The following GUCY1B1 variants were observed in gnomAD, a reference collection of about 807,000 sequenced individuals.
GUCY1B1 encodes the protein guanylate cyclase 1 soluble subunit beta 1.
GUCY1B1 carries 43 observed loss-of-function variants against 71.0 expected under a neutral mutation model. The ratio of observed to expected loss-of-function variants is 0.61; its 90% CI spans 0.47 to 0.78. The LOEUF is 0.78. Ranked by LOEUF, GUCY1B1 falls within the 30% of genes least tolerant of loss-of-function variation. GUCY1B1 has a pLI of 0.00. For synonymous variants in GUCY1B1, 266 were observed against 259.7 expected (o/e 1.02, Z -0.23); for missense variants, 535 against 754.1 (o/e 0.71, Z 3.40).
chr4:155,805,541 G>A (rs1030660410), intron 13 of GUCY1B1, among the ~76,000 whole-genome samples: 1 of 152,066 alleles, frequency 6.6e-6, no homozygotes, highest in South Asian at 2.1e-4. Flanking sequence ...AAGGTAAGTG[G>A]GCTGTGAGGG....
intron 8 of GUCY1B1, among the ~76,000 whole-genome samples, chr4:155,797,478 A>G (rs1739632983): frequency 6.6e-6 from 1 of 152,056 alleles, no homozygotes; most frequent in South Asian, 2.1e-4. Context: ...AGTAGTTCAC[A>G]CCTGTAATCC....
intron 2 of GUCY1B1, among the ~76,000 whole-genome samples, chr4:155,765,863 G>A (rs185533618): frequency 6.6e-6 from 1 of 152,190 alleles, no homozygotes; most frequent in East Asian, 1.9e-4. Context: ...CAACCCTCCT[G>A]TAAATGTAAA....
chr4:155,760,022 T>G (rs1157976295), intron 2 of GUCY1B1, among the ~76,000 whole-genome samples, 162 bp downstream of exon 2: 1 of 151,850 alleles, frequency 6.6e-6, no homozygotes, highest in Admixed American at 6.5e-5. Context: ...GCTCCCACGC[T>G]CCGGGACTGG....
At chr4:155,790,970 A>G (rs1739112598) in intron 5 of GUCY1B1, among the ~76,000 whole-genome samples, 2 of 152,128 alleles carry the variant, frequency 1.3e-5, no homozygotes, top group African/African-American at 4.8e-5. Context: ...TGTTGCACCA[A>G]CCTAATAGAA....
Position 155,777,650 on chromosome 4 carries a change from AT to A in GUCY1B1, c.297+11del. The A allele has an allele frequency of 2.3e-6, 3 of 1,302,046 alleles. No individual in the cohort carries two copies. The highest frequency in any genetic ancestry group is 3.4e-6 in the Non-Finnish European group (3 of 895,224). The allele number at this position is 1,302,046 out of a possible 1,614,324, so 80.7% of individuals were successfully genotyped here. ...GTCAGAGAATTTCTACAGGTAAGCA[AT>A]TTGAGGTCCTATAGTTAAAAGTTCT... On this transcript the variant is annotated intron_variant, in intron 4 of 13. Coordinates refer to ENST00000264424, the MANE Select transcript of GUCY1B1 (RefSeq NM_000857.5).
At chr4:155,763,333 A>G (rs6536092) in intron 2 of GUCY1B1, among the ~76,000 whole-genome samples, 145,283 of 152,170 alleles carry the variant, frequency 0.95, 69,380 homozygotes, top group East Asian at 1. Flanking sequence ...GCACCACCAC[A>G]CCCAGCCCAA....
At chr4:155,797,764 T>TAATAATAATAATAATAA (rs1561029633) in intron 8 of GUCY1B1, among the ~76,000 whole-genome samples, 1 of 84,016 alleles carries the variant, frequency 1.2e-5, no homozygotes, top group Non-Finnish European at 2.6e-5. Context: ...AATAATAATA[T>TAATAATAATAATAATAA]ATCGTTAATT....
At chr4:155,772,625 G>C in intron 2 of GUCY1B1, 2 of 691,788 alleles carry the variant, frequency 2.9e-6, no homozygotes, top group Non-Finnish European at 2.6e-6. Flanking sequence ...TTGGTATGTC[G>C]CCCAGGCTGT....
chr4:155,771,290 A>C (rs1051459061), intron 2 of GUCY1B1, among the ~76,000 whole-genome samples: 3 of 152,222 alleles, frequency 2.0e-5, no homozygotes, highest in African/African-American at 7.2e-5. Context: ...TTCAGGAAGT[A>C]AAGCTTTGAT....
rs140461423 is a variant in GUCY1B1 at position 155,792,336 on chromosome 4, G to T, written c.496-1520G>T. 1.2e-4 allele frequency among the ~76,000 whole-genome samples: 18 copies of T among 152,138 alleles called. No individual in the cohort carries two copies. The East Asian group carries it at 2.9e-3, about 25-fold the overall frequency. Reference sequence around the variant, plus strand: ...TTGAATAATTAATTCATAAGTTTAGGATACATATAATTCAATTTCTCTAGT... The same window carrying T: ...TTGAATAATTAATTCATAAGTTTAGTATACATATAATTCAATTTCTCTAGT... On this transcript the variant is annotated intron_variant, in intron 5 of 13. Transcript: ENST00000264424.
rs1579258678 is a variant in GUCY1B1 at position 155,802,082 on chromosome 4, T to C, written c.1176-260T>C. 4.5e-6 allele frequency: 3 copies of C among 666,812 alleles called. No individual in the cohort carries two copies. The East Asian group carries it at 8.3e-5, about 18-fold the overall frequency. 41.3% of individuals were successfully genotyped at this position (666,812 alleles called of 1,614,324 possible). On this transcript the variant is annotated intron_variant, in intron 9 of 13. Transcript: ENST00000264424. This position sits in a 1 kb window ranked among gnomAD's most constrained non-coding sequence, Gnocchi z 4.3. ...CAGTCTTTTTGTTTTGTCTGTTTGC[T>C]TGGCTTATTTTGATTTGGTTTGAAC... is the stretch of plus-strand genomic sequence containing the variant.
intron 2 of GUCY1B1, chr4:155,772,466 A>T: frequency 2.5e-6 from 1 of 392,618 alleles, no homozygotes. Flanking sequence ...CCAGGCTGAA[A>T]TGCAGTGGCA....
At position 155,807,114 on chromosome 4, in the gene GUCY1B1, C is replaced by G. The variant is rs1740368497; in HGVS notation, c.*705C>G. On this transcript the variant is annotated 3_prime_UTR_variant, in exon 14 of 14. Transcript: ENST00000264424. ...TCTTCTAAAATGCTATCATTTGTAA[C>G]TGTATCCCCTGTATTAAATCTCATT... is the stretch of plus-strand genomic sequence containing the variant. 6.6e-6 allele frequency: 1 copy of G among 152,156 alleles called. No homozygotes were observed. Among genetic ancestry groups the G allele is most frequent in the South Asian group, 2.1e-4 (1 of 4,836 alleles). The allele number at this position is 152,156 out of a possible 1,614,324, so 9.4% of individuals were successfully genotyped here. A position where few individuals can be genotyped will look rare whatever the true frequency, so the allele number is the denominator to read the frequency against.
At chr4:155,805,036 T>C (rs1740220906) in intron 12 of GUCY1B1, 67 bp from the exon 13 acceptor site, 5 of 1,380,638 alleles carry the variant, frequency 3.6e-6, no homozygotes, top group Non-Finnish European at 5.1e-6. Flanking sequence ...TATAACATGA[T>C]ACATGTCACC....
chr4:155,763,860 A>G (rs1737159138), intron 2 of GUCY1B1, among the ~76,000 whole-genome samples: 1 of 152,220 alleles, frequency 6.6e-6, no homozygotes, highest in Non-Finnish European at 1.5e-5. Flanking sequence ...AATGCTTAAC[A>G]TAGTTCTTGA....
chr4:155,782,314 C>G (rs1457345927), intron 4 of GUCY1B1, among the ~76,000 whole-genome samples: 1 of 152,164 alleles, frequency 6.6e-6, no homozygotes, highest in African/African-American at 2.4e-5. Context: ...TGGTCTCGAT[C>G]TCCTGACCTC....
chr4:155,764,682 G>A (rs1001374432), intron 2 of GUCY1B1, among the ~76,000 whole-genome samples: 4 of 152,190 alleles, frequency 2.6e-5, no homozygotes, highest in Non-Finnish European at 5.9e-5. Flanking sequence ...AGAAAGATCT[G>A]CCAGTTAGCC....
intron 4 of GUCY1B1, among the ~76,000 whole-genome samples, chr4:155,780,727 G>A (rs926427293): frequency 7.4e-6 from 1 of 136,038 alleles, no homozygotes; most frequent in African/African-American, 2.9e-5. Flanking sequence ...AACCCATTTC[G>A]AGTGAGATCC....
At chr4:155,782,990 C>T (rs1738539550) in intron 4 of GUCY1B1, among the ~76,000 whole-genome samples, 1 of 152,210 alleles carries the variant, frequency 6.6e-6, no homozygotes, top group African/African-American at 2.4e-5. Context: ...CAGTTTCCAT[C>T]TGATTCCGTC....
Sources: allele counts gnomAD v4.1 joint callset (sites outside exome capture counted in the v4.1 genomes callset), GRCh38; gene constraint gnomAD v4.1.1; non-coding constraint Gnocchi (gnomAD v3.1); transcripts MANE v1.5; gene names NCBI Gene and HGNC (gene_info 2026-07-23, HGNC 2026-07-21).